CCDC42: variants seen among roughly 807,000 people sequenced by gnomAD.
CCDC42 encodes coiled-coil domain-containing protein 42.
In CCDC42, 38 loss-of-function variants were observed where a neutral mutation model predicts 40.8. The observed-to-expected ratio is 0.93, with a 90% CI of 0.72 to 1.22. The LOEUF (loss-of-function observed/expected upper bound fraction) is 1.22. CCDC42 is among the 50% of genes most tolerant of loss of function. CCDC42 has a pLI of 0.00. For missense variants in CCDC42, 379 were observed against 416.5 expected (o/e 0.91, Z 0.78); for synonymous variants, 135 against 157.5 (o/e 0.86, Z 1.07).
intron 3 of CCDC42, among the ~76,000 whole-genome samples, chr17:8,743,386 A>G (rs2086656560): frequency 6.6e-6 from 1 of 152,240 alleles, no homozygotes; most frequent in Non-Finnish European, 1.5e-5. Context: ...AGGTACTGGA[A>G]AAGAAATAGG....
intron 6 of CCDC42, among the ~76,000 whole-genome samples, chr17:8,730,903 C>G (rs2086576592): frequency 6.6e-6 from 1 of 152,186 alleles, no homozygotes. Flanking sequence ...CACAACTTCA[C>G]CGCCCTCAAG....
chr17:8,739,219 G>A (rs988512081), intron 4 of CCDC42, among the ~76,000 whole-genome samples: 11 of 152,334 alleles, frequency 7.2e-5, no homozygotes, highest in African/African-American at 2.4e-4. Context: ...GGAAGGGGCA[G>A]GGGCTGGATT....
chr17:8,744,392 T>G (rs1597347556), intron 1 of CCDC42, 135 bp downstream of exon 1: 1 of 788,038 alleles, frequency 1.3e-6, no homozygotes, highest in African/African-American at 1.7e-5. Context: ...CGTGATGAGG[T>G]GGACTGGTGC....
intron 4 of CCDC42, among the ~76,000 whole-genome samples, chr17:8,736,197 G>A (rs142186201): frequency 6.8e-4 from 103 of 152,334 alleles, no homozygotes; most frequent in African/African-American, 2.3e-3. Context: ...ATGGAGGGAG[G>A]ACAGACAGAC....
intron 4 of CCDC42, among the ~76,000 whole-genome samples, chr17:8,740,369 T>C (rs550984599): frequency 1.3e-5 from 2 of 150,942 alleles, no homozygotes; most frequent in African/African-American, 4.9e-5. Flanking sequence ...GTGCCTATAA[T>C]CCCAGCTACT....
chr17:8,742,789 G>C (rs1040992352), intron 3 of CCDC42, among the ~76,000 whole-genome samples: 1 of 152,206 alleles, frequency 6.6e-6, no homozygotes, highest in African/African-American at 2.4e-5. Flanking sequence ...AGCAACAAGG[G>C]AAGCCCCTGG....
intron 4 of CCDC42, among the ~76,000 whole-genome samples, chr17:8,737,018 AAAG>A (rs200647536): frequency 5.8e-5 from 7 of 120,326 alleles, no homozygotes; most frequent in South Asian, 2.7e-4. Flanking sequence ...GAAAAGAAAA[AAAG>A]AAAAGAAGAG....
chr17:8,736,783 A>C (rs2086613804), intron 4 of CCDC42, among the ~76,000 whole-genome samples: 1 of 152,146 alleles, frequency 6.6e-6, no homozygotes, highest in Non-Finnish European at 1.5e-5. Context: ...AAGCAGGTGT[A>C]GGGAGGTGAG....
At chr17:8,730,586 C>T (rs920603935) in intron 6 of CCDC42, among the ~76,000 whole-genome samples, 1 of 152,128 alleles carries the variant, frequency 6.6e-6, no homozygotes, top group African/African-American at 2.4e-5. Context: ...GTGATCCACC[C>T]GCCTCAGCCT....
Position 8,735,817 on chromosome 17 carries a change from G to C in CCDC42, c.493-206C>G, listed in dbSNP as rs189525373. Among the ~76,000 whole-genome samples the C allele has an allele frequency of 5.9e-5, 9 of 152,320 alleles. No individual in the cohort carries two copies. The highest frequency in any genetic ancestry group is 7.4e-5 in the Non-Finnish European group (5 of 68,022). On this transcript the variant is annotated intron_variant, in intron 4 of 6. Transcript: ENST00000293845. The surrounding 1 kb of genome is among the most constrained non-coding windows in gnomAD (Gnocchi z 4.7). ...GGTTTGTACGGGCCACGGTCCATTT[G>C]TTGGGCAGGGGGATGCACAACTGGG...
rs375234897 is a variant in CCDC42, at chr17:8,735,504, C to T, written c.600G>A (p.Lys200=). 7.4e-6 allele frequency: 12 copies of T among 1,613,986 alleles called. No homozygotes were observed. Among genetic ancestry groups the T allele is most frequent in the African/African-American group, 6.7e-5 (5 of 74,946 alleles). Residue 200 remains lysine (K), a synonymous_variant, in exon 5 of 7, where the codon AAG becomes AAA. Coordinates refer to ENST00000293845, the MANE Select transcript of CCDC42 (RefSeq NM_144681.3). The surrounding 1 kb of genome is among the most constrained non-coding windows in gnomAD (Gnocchi z 4.7). The stretch of plus-strand genomic sequence containing the variant: ...CCTCCATGTAGCGCGCCAGCCGGGC[C>T]TTGGCGCGCTCAATCTTCTCCTGGC... The part of the protein sequence containing the change: ...QEGQEKIERA[K]ARLARYMEEK...
intron 3 of CCDC42, 102 bp downstream of exon 3, chr17:8,743,519 TTTAAC>T: frequency 1.3e-6 from 1 of 747,742 alleles, no homozygotes; most frequent in Non-Finnish European, 2.5e-6. Context: ...AAGGATGCTT[TTTAAC>T]TCAGGGCGAG....
intron 6 of CCDC42, among the ~76,000 whole-genome samples, chr17:8,730,587 G>A (rs2086574600): frequency 6.6e-6 from 1 of 152,112 alleles, no homozygotes. Flanking sequence ...TGATCCACCC[G>A]CCTCAGCCTC....
At position 8,735,412 on chromosome 17, in the gene CCDC42, G is replaced by T. The variant is rs1568051092; in HGVS notation, c.692C>A (p.Ala231Asp). Residue 231 changes from alanine (A) to aspartate (D), a missense_variant, in exon 5 of 7, where the codon GCC becomes GAC. Coordinates refer to ENST00000293845, the MANE Select transcript of CCDC42 (RefSeq NM_144681.3). The surrounding 1 kb of genome is among the most constrained non-coding windows in gnomAD (Gnocchi z 4.7). ...CACCCAGAAGATGACATTGCTGCGG[G>T]CACGGTCAAAGCGCATCTGCAGCCT... ...LARLQMRFDR[A>D]RSNVIFWESR... The T allele has an allele frequency of 6.2e-7, 1 of 1,613,974 alleles. No homozygotes were observed. The highest frequency in any genetic ancestry group is 1.7e-5 in the Admixed American group (1 of 60,036).
Position 8,734,856 on chromosome 17 carries a change from C to T in CCDC42, c.873+240G>A, listed in dbSNP as rs112162735. Reference sequence around the variant, plus strand: ...CAAAGTATGGAACCCGAACCAGCAGCGTCACTTGGGAACTTGCTGAAAATG... The same window carrying T: ...CAAAGTATGGAACCCGAACCAGCAGTGTCACTTGGGAACTTGCTGAAAATG... On this transcript the variant is annotated intron_variant, in intron 6 of 6. Coordinates refer to ENST00000293845, the MANE Select transcript of CCDC42 (RefSeq NM_144681.3). 2.5e-3 allele frequency among the ~76,000 whole-genome samples: 383 copies of T among 152,260 alleles called. 2 individuals carry two copies. Among genetic ancestry groups the T allele is most frequent in the African/African-American group, 8.8e-3 (366 of 41,538 alleles).
chr17:8,733,957 C>T (rs2086594981), intron 6 of CCDC42, among the ~76,000 whole-genome samples: 1 of 152,034 alleles, frequency 6.6e-6, no homozygotes, highest in Non-Finnish European at 1.5e-5. Flanking sequence ...TGTTATTTGC[C>T]TTTTTTTCGC....
At position 8,744,204 on chromosome 17, in the gene CCDC42, G is replaced by A. The variant is rs377000095; in HGVS notation, c.84-20C>T. The A allele has an allele frequency of 2.7e-5, 43 of 1,581,032 alleles. No individual in the cohort carries two copies. Among genetic ancestry groups the A allele is most frequent in the Non-Finnish European group, 3.4e-5 (39 of 1,151,630 alleles). ...AGTTTCCTGTCCAAGATGTGAACGC[G>A]AGAGGGCTGTGTGTTCTGACATGGG... is the stretch of plus-strand genomic sequence containing the variant. On this transcript the variant is annotated intron_variant, in intron 1 of 6. Coordinates refer to ENST00000293845, the MANE Select transcript of CCDC42 (RefSeq NM_144681.3).
Position 8,744,423 on chromosome 17 carries a change from G to C in CCDC42, c.83+104C>G, listed in dbSNP as rs542442139. Reference sequence around the variant, plus strand: ...GGTGCCAAGGTTATTTGGGGCACTGGGTTACAGGAGAGGAGGGGACAGACG... The same window carrying C: ...GGTGCCAAGGTTATTTGGGGCACTGCGTTACAGGAGAGGAGGGGACAGACG... On this transcript the variant is annotated intron_variant, in intron 1 of 6. Transcript: ENST00000293845. 6.4e-5 allele frequency: 63 copies of C among 976,754 alleles called. No homozygotes were observed. The East Asian group carries it at 1.4e-3, about 22-fold the overall frequency. The allele number at this position is 976,754 out of a possible 1,614,324, so 60.5% of individuals were successfully genotyped here.
chr17:8,739,804 A>T (rs2086630867), intron 4 of CCDC42, among the ~76,000 whole-genome samples: 1 of 152,112 alleles, frequency 6.6e-6, no homozygotes, highest in African/African-American at 2.4e-5. Flanking sequence ...CGGCCTCCCA[A>T]AGTGCTGGGA....
Sources: allele counts gnomAD v4.1 joint callset (sites outside exome capture counted in the v4.1 genomes callset), GRCh38; gene constraint gnomAD v4.1.1; non-coding constraint Gnocchi (gnomAD v3.1); transcripts MANE v1.5; gene names NCBI Gene and HGNC (gene_info 2026-07-23, HGNC 2026-07-21).